Variants in TRIM55 observed in about 807,000 individuals in gnomAD.
TRIM55 encodes the protein tripartite motif containing 55.
In TRIM55, 50 loss-of-function variants were observed where a neutral mutation model predicts 60.9. The observed-to-expected ratio is 0.82, with a 90% CI of 0.65 to 1.04. TRIM55 has a LOEUF of 1.04. TRIM55 is among the 50% of genes least tolerant of loss of function. The pLI, the probability that TRIM55 is intolerant of heterozygous loss-of-function variation, is 0.00. For missense variants in TRIM55, 681 were observed against 666.9 expected (o/e 1.02, Z -0.23); for synonymous variants, 237 against 238.1 (o/e 1.00, Z 0.04).
At chr8:66,129,878 G>A (rs1214163224) in intron 2 of TRIM55, among the ~76,000 whole-genome samples, 1 of 152,202 alleles carries the variant, frequency 6.6e-6, no homozygotes, top group Non-Finnish European at 1.5e-5. Context: ...CTAGTCCAGT[G>A]TCTTGCACAG....
upstream of TRIM55, among the ~76,000 whole-genome samples, chr8:66,123,557 A>AG (rs2128970758): frequency 6.6e-6 from 1 of 152,274 alleles, no homozygotes; most frequent in South Asian, 2.1e-4. Flanking sequence ...AAGAACAGAG[A>AG]GAAAAAAAAA....
the TRIM55 span, chr8:66,114,626 CAG>C: frequency 8.8e-6 from 4 of 456,332 alleles, no homozygotes; most frequent in South Asian, 6.2e-5. Flanking sequence ...AAACAAGAAA[CAG>C]AGAACTTGGA....
the TRIM55 span, among the ~76,000 whole-genome samples, chr8:66,116,665 A>G: frequency 1.4e-5 from 1 of 70,242 alleles, no homozygotes; most frequent in East Asian, 4.2e-4. Flanking sequence ...AATGTTAACA[A>G]CAGTAATGAT....
chr8:66,146,764 G>A (rs950287493), intron 4 of TRIM55, among the ~76,000 whole-genome samples: 2 of 152,198 alleles, frequency 1.3e-5, no homozygotes, highest in East Asian at 3.8e-4. Flanking sequence ...ATAGGTTTCA[G>A]TTTCTAGGCC....
the TRIM55 span, among the ~76,000 whole-genome samples, chr8:66,115,518 A>G: frequency 6.6e-6 from 1 of 152,308 alleles, no homozygotes; most frequent in East Asian, 1.9e-4. Flanking sequence ...AGTAAGTAGT[A>G]AGTCAAAGGA....
intron 9 of TRIM55, among the ~76,000 whole-genome samples, chr8:66,156,805 G>A (rs1489570202): frequency 1.3e-5 from 2 of 152,128 alleles, no homozygotes; most frequent in African/African-American, 2.4e-5. Context: ...GCCGTGTCTG[G>A]AACTGTGTGT....
chr8:66,138,401 G>GT lies in TRIM55; in HGVS notation c.603+1217dup, dbSNP rs527772713. On this transcript the variant is annotated intron_variant, in intron 4 of 9. Coordinates refer to ENST00000315962, the MANE Select transcript of TRIM55 (RefSeq NM_184085.2). ...CATTATGTTTTTGGGGTTTTTGTTTGTTTTTTGGGATGGAGTCTCACACTG... is the reference window on the plus strand; with the variant it reads ...CATTATGTTTTTGGGGTTTTTGTTTGTTTTTTTGGGATGGAGTCTCACACTG... Among the ~76,000 whole-genome samples the GT allele has an allele frequency of 5.3e-5, 8 of 152,044 alleles. No individual in the cohort carries two copies. In the South Asian group the frequency reaches 1.0e-3, roughly 20 times the overall value.
chr8:66,169,214 A>T (rs1021868622), intron 9 of TRIM55, among the ~76,000 whole-genome samples: 8 of 152,192 alleles, frequency 5.3e-5, no homozygotes, highest in African/African-American at 1.7e-4. Flanking sequence ...GTTTAGTTTC[A>T]TTAGGTAGAA....
chr8:66,161,183 A>G (rs140744725), intron 9 of TRIM55, among the ~76,000 whole-genome samples: 2 of 152,126 alleles, frequency 1.3e-5, no homozygotes, highest in African/African-American at 4.8e-5. Flanking sequence ...TTTAAGATCC[A>G]TCTTGAGTTG....
chr8:66,151,407 A>T (rs1810408594), intron 7 of TRIM55, among the ~76,000 whole-genome samples: 1 of 152,164 alleles, frequency 6.6e-6, no homozygotes, highest in African/African-American at 2.4e-5. Context: ...AGATGATCAC[A>T]CCCCTCAGCT....
intron 2 of TRIM55, among the ~76,000 whole-genome samples, chr8:66,131,565 C>A (rs1809161447): frequency 6.6e-6 from 1 of 152,204 alleles, no homozygotes; most frequent in Non-Finnish European, 1.5e-5. Context: ...ACCCCTTGCT[C>A]CCTGGATTCC....
At chr8:66,131,541 TC>T (rs890124215) in intron 2 of TRIM55, among the ~76,000 whole-genome samples, 11 of 152,194 alleles carry the variant, frequency 7.2e-5, no homozygotes, top group African/African-American at 2.4e-4. Context: ...TCTTTTACTC[TC>T]CCCCTGGGTT....
At chr8:66,118,160 CTCCGTCTCAAAAAA>C in the TRIM55 span, among the ~76,000 whole-genome samples, 2 of 95,426 alleles carry the variant, frequency 2.1e-5, no homozygotes, top group Non-Finnish European at 3.7e-5. Context: ...CAGAGCGAGA[CTCCGTCTCAAAAAA>C]AAAAAAAAAA....
chr8:66,120,273 A>G, the TRIM55 span, among the ~76,000 whole-genome samples: 1 of 152,234 alleles, frequency 6.6e-6, no homozygotes, highest in Non-Finnish European at 1.5e-5. Flanking sequence ...CTTACTATAT[A>G]ATAAAGAACT....
intron 4 of TRIM55, among the ~76,000 whole-genome samples, chr8:66,147,179 G>A (rs188027559): frequency 8.5e-5 from 13 of 152,264 alleles, no homozygotes; most frequent in Admixed American, 3.3e-4. Context: ...TTGAGAATAG[G>A]AACTATGTTA....
intron 9 of TRIM55, among the ~76,000 whole-genome samples, chr8:66,168,394 G>T (rs544711569): frequency 1.6e-4 from 25 of 152,362 alleles, no homozygotes; most frequent in Non-Finnish European, 3.2e-4. Context: ...GTTCAGGAAT[G>T]CTAAGTAGGA....
Position 66,128,329 on chromosome 8 carries a change from G to A in TRIM55, c.194G>A (p.Arg65Lys), listed in dbSNP as rs763703907. Residue 65 changes from arginine to lysine, a missense_variant, in exon 2 of 10, where the codon AGA becomes AAA. Arg to Lys is a conservative substitution (Grantham distance 26, BLOSUM62 2). Coordinates refer to ENST00000315962, the MANE Select transcript of TRIM55 (RefSeq NM_184085.2). Reference protein sequence around the residue: ...FQASNPYLPTRGGTTMASGGR... With the variant: ...FQASNPYLPTKGGTTMASGGR... ...GCCTCTAACCCGTATTTGCCCACAA[G>A]AGGAGGTACCACCATGGCATCAGGG... 2 of 1,611,472 alleles carry A rather than the reference G, an allele frequency of 1.2e-6. No individual in the cohort carries two copies. Among genetic ancestry groups the A allele is most frequent in the Admixed American group, 1.7e-5 (1 of 59,384 alleles).
intron 8 of TRIM55, among the ~76,000 whole-genome samples, chr8:66,153,649 AT>A (rs34816586): frequency 0.095 from 14,487 of 152,258 alleles, 1,109 homozygotes; most frequent in East Asian, 0.34. Flanking sequence ...GATTTGATCA[AT>A]AAGATTAATT....
At chr8:66,154,577 CA>C (rs1329954023) in intron 9 of TRIM55, among the ~76,000 whole-genome samples, 1 of 152,182 alleles carries the variant, frequency 6.6e-6, no homozygotes, top group African/African-American at 2.4e-5. Context: ...CCTGGCTTCC[CA>C]GGGGAGGGGT....
Sources: allele counts gnomAD v4.1 joint callset (sites outside exome capture counted in the v4.1 genomes callset), GRCh38; gene constraint gnomAD v4.1.1; transcripts MANE v1.5; gene names NCBI Gene and HGNC (gene_info 2026-07-23, HGNC 2026-07-21).